The following TMEM229B variants were observed in gnomAD, a reference collection of about 807,000 sequenced individuals.
The protein encoded by TMEM229B is chromosome 14 open reading frame 83.
TMEM229B carries 6 observed loss-of-function variants against 13.7 expected under a neutral mutation model. The ratio of observed to expected loss-of-function variants is 0.44; its 90% CI spans 0.24 to 0.86. TMEM229B has a LOEUF of 0.86. TMEM229B is among the 40% of genes least tolerant of loss of function. TMEM229B has a pLI of 0.23. For missense variants in TMEM229B, 170 were observed against 236.0 expected (o/e 0.72, Z 1.83); for synonymous variants, 107 against 102.1 (o/e 1.05, Z -0.29).
chr14:67,530,992 G>A (rs370135621), intron 1 of TMEM229B, among the ~76,000 whole-genome samples: 2 of 152,076 alleles, frequency 1.3e-5, no homozygotes, highest in Admixed American at 1.3e-4. Context: ...TCCCCATCCC[G>A]GCCTCATCTT....
intron 1 of TMEM229B, among the ~76,000 whole-genome samples, chr14:67,509,320 CTCTCT>C (rs1366444905): frequency 2.1e-5 from 2 of 95,816 alleles, no homozygotes; most frequent in Non-Finnish European, 5.6e-5. Context: ...CACATCAACT[CTCTCT>C]TTTTTTTTTT....
Position 67,512,021 on chromosome 14 carries a change from C to G in TMEM229B, c.-192+3065G>C, listed in dbSNP as rs568369607. ...GTCTGAGGCAAATATACGTCTTGAA[C>G]CAAACACCCTGGTACTGATGTAAAT... is the stretch of plus-strand genomic sequence containing the variant. On this transcript the variant is annotated intron_variant, in intron 1 of 2. Transcript: ENST00000357461. Among the ~76,000 whole-genome samples, 10 of 152,314 alleles carry G rather than the reference C, an allele frequency of 6.6e-5. No homozygotes were observed. In the South Asian group the frequency reaches 1.9e-3, roughly 28 times the overall value.
intron 1 of TMEM229B, among the ~76,000 whole-genome samples, chr14:67,523,039 C>A (rs954863857): frequency 2.6e-5 from 4 of 152,242 alleles, no homozygotes; most frequent in Admixed American, 2.0e-4. Context: ...TCATGAGGAG[C>A]CCAGGCTGGG....
intron 1 of TMEM229B, among the ~76,000 whole-genome samples, chr14:67,496,267 A>T (rs1309519355): frequency 6.6e-6 from 1 of 151,210 alleles, no homozygotes; most frequent in Non-Finnish European, 1.5e-5. Flanking sequence ...TAATTTTTGT[A>T]TTTTTGGTAG....
intron 1 of TMEM229B, among the ~76,000 whole-genome samples, chr14:67,500,846 C>T (rs1457882155): frequency 3.9e-5 from 6 of 152,034 alleles, no homozygotes; most frequent in African/African-American, 1.2e-4. Flanking sequence ...GCTAGGATTA[C>T]AGGCATGAGC....
chr14:67,518,608 C>T (rs1331389031), upstream of TMEM229B, among the ~76,000 whole-genome samples: 3 of 152,230 alleles, frequency 2.0e-5, no homozygotes, highest in African/African-American at 7.2e-5. Flanking sequence ...GTTCCTTGAA[C>T]ATGTTAGGTC....
At chr14:67,523,332 A>G (rs1010383904) in intron 1 of TMEM229B, among the ~76,000 whole-genome samples, 1 of 152,198 alleles carries the variant, frequency 6.6e-6, no homozygotes, top group Admixed American at 6.5e-5. Context: ...CAAAAAAAAA[A>G]AAAAGAAAAG....
At chr14:67,503,249 G>C (rs2032682167) in intron 1 of TMEM229B, among the ~76,000 whole-genome samples, 1 of 152,190 alleles carries the variant, frequency 6.6e-6, no homozygotes, top group Admixed American at 6.5e-5. Flanking sequence ...CAGCAGAGAT[G>C]GTCTCTGGCT....
intron 1 of TMEM229B, among the ~76,000 whole-genome samples, chr14:67,507,216 T>G (rs1008234116): frequency 6.6e-6 from 1 of 151,630 alleles, no homozygotes. Flanking sequence ...CTAATATAGG[T>G]GGTGCAACTA....
At chr14:67,520,255 A>G (rs140251466), upstream of TMEM229B, among the ~76,000 whole-genome samples, 1,288 of 152,254 alleles carry the variant, frequency 8.5e-3, 27 homozygotes, top group African/African-American at 0.03. Context: ...AGTTTGGATG[A>G]ATGTATATTG....
At chr14:67,496,071 C>T (rs2032352750) in intron 1 of TMEM229B, among the ~76,000 whole-genome samples, 1 of 152,216 alleles carries the variant, frequency 6.6e-6, no homozygotes, top group Non-Finnish European at 1.5e-5. Context: ...CCACTGTAGT[C>T]CCAGCTATTC....
chr14:67,500,611 C>T (rs2032567888), intron 1 of TMEM229B, among the ~76,000 whole-genome samples: 1 of 149,460 alleles, frequency 6.7e-6, no homozygotes, highest in African/African-American at 2.5e-5. Flanking sequence ...TCGCTCTGTC[C>T]CCCAGGCTGG....
intron 2 of TMEM229B, among the ~76,000 whole-genome samples, chr14:67,482,530 AC>A (rs2031645897): frequency 6.6e-6 from 1 of 151,808 alleles, no homozygotes; most frequent in African/African-American, 2.4e-5. Flanking sequence ...ATCCCCAGCC[AC>A]CCCCATCACT....
At chr14:67,505,488 C>A (rs538065263) in intron 1 of TMEM229B, among the ~76,000 whole-genome samples, 2 of 152,236 alleles carry the variant, frequency 1.3e-5, no homozygotes, top group East Asian at 3.9e-4. Flanking sequence ...CTGGGGTCAG[C>A]CTGCCTTCCC....
At chr14:67,509,057 C>A (rs528320312) in intron 1 of TMEM229B, among the ~76,000 whole-genome samples, 1 of 151,964 alleles carries the variant, frequency 6.6e-6, no homozygotes, top group African/African-American at 2.4e-5. Flanking sequence ...GGCAGTAGGA[C>A]AACAGAAATA....
At position 67,473,704 on chromosome 14, in the gene TMEM229B, G is replaced by A. The variant is rs1365299331; in HGVS notation, c.220C>T (p.Leu74Phe). The change falls in exon 3 of 3, where the codon CTC (leucine) becomes TTC (phenylalanine). Residue 74 changes from leucine to phenylalanine, a missense_variant. By Grantham distance (22) the Leu-to-Phe change is conservative. Transcript: ENST00000554480. This position sits in a 1 kb window ranked among gnomAD's most constrained non-coding sequence, Gnocchi z 6.5. ...YLRLRGRCPL[L>F]LRCLIYTLWT... ...AGCGTGTAGATGAGGCAGCGCAGGAGCAGCGGGCAGCGGCCGCGCAGCCGC... is the reference window on the plus strand; with the variant it reads ...AGCGTGTAGATGAGGCAGCGCAGGAACAGCGGGCAGCGGCCGCGCAGCCGC... The A allele has an allele frequency of 1.1e-5, 18 of 1,595,098 alleles. No individual in the cohort carries two copies. The highest frequency in any genetic ancestry group is 1.5e-5 in the Non-Finnish European group (18 of 1,171,268).
Position 67,530,476 on chromosome 14 carries a change from A to T in TMEM229B, c.-192+3160T>A, listed in dbSNP as rs371272415. On this transcript the variant is annotated intron_variant, in intron 1 of 2. Transcript: ENST00000554278. Reference sequence around the variant, plus strand: ...TGTAATATTGACTCTGTAGGAATTTATTTTTTAAACATTCCAGCCTAAACC... The same window carrying T: ...TGTAATATTGACTCTGTAGGAATTTTTTTTTTAAACATTCCAGCCTAAACC... Among the ~76,000 whole-genome samples, 10 of 152,274 alleles carry T rather than the reference A, an allele frequency of 6.6e-5. No homozygotes were observed. The East Asian group carries it at 1.9e-3, about 29-fold the overall frequency.
rs181522556 is a variant in TMEM229B, at chr14:67,476,526, G to T, written c.-18-2585C>A. Among the ~76,000 whole-genome samples, 886 of 152,232 alleles carry T rather than the reference G, an allele frequency of 5.8e-3. 2 individuals carry two copies. The highest frequency in any genetic ancestry group is 0.02 in the African/African-American group (815 of 41,520). On this transcript the variant is annotated intron_variant, in intron 2 of 2. Coordinates refer to ENST00000554480, the MANE Select transcript of TMEM229B (RefSeq NM_001348543.2). ...TGCTTGAACCCAGGAGGCGGAGGTT[G>T]CAGTGAGCCAAGATCATGCCACTGC...
At chr14:67,500,367 G>A (rs1204293096) in intron 1 of TMEM229B, among the ~76,000 whole-genome samples, 6 of 151,670 alleles carry the variant, frequency 4.0e-5, no homozygotes, top group Admixed American at 1.3e-4. Flanking sequence ...CCAGCTACTC[G>A]GGAGGCTGAG....
Sources: gnomAD v4.1 joint callset for allele counts (sites outside exome capture counted in the v4.1 genomes callset) on GRCh38, gnomAD v4.1.1 for gene constraint, Gnocchi (gnomAD v3.1) non-coding constraint, MANE v1.5 for transcripts, NCBI Gene and HGNC (gene_info 2026-07-23, HGNC 2026-07-21) for gene names.